KDSR: variants seen among roughly 807,000 people sequenced by gnomAD.
The protein encoded by KDSR is 3-ketodihydrosphingosine reductase, also known as 3-dehydrosphinganine reductase.
KDSR carries 23 observed loss-of-function variants against 41.3 expected under a neutral mutation model. That is an observed-to-expected ratio of 0.56 (90% CI 0.40 to 0.79). The LOEUF (loss-of-function observed/expected upper bound fraction) is 0.79, where lower values mean the gene tolerates loss of function less well. KDSR is among the 30% of genes least tolerant of loss of function. The pLI is 0.00. For missense variants in KDSR, 351 were observed against 416.8 expected (o/e 0.84, Z 1.37); for synonymous variants, 138 against 151.7 (o/e 0.91, Z 0.66).
At chr18:63,333,980 C>T (rs1914086688) in intron 9 of KDSR, among the ~76,000 whole-genome samples, 1 of 152,116 alleles carries the variant, frequency 6.6e-6, no homozygotes, top group Non-Finnish European at 1.5e-5. Context: ...CCATGCCAGC[C>T]CAAAAATTAA....
chr18:63,343,963 G>A (rs1394706727), intron 7 of KDSR, among the ~76,000 whole-genome samples: 3 of 152,110 alleles, frequency 2.0e-5, no homozygotes, highest in East Asian at 1.9e-4. Context: ...GATCACTTGA[G>A]GCCAGGAGTT....
chr18:63,362,522 C>T (rs1404432950), intron 2 of KDSR, among the ~76,000 whole-genome samples: 2 of 152,202 alleles, frequency 1.3e-5, no homozygotes, highest in Non-Finnish European at 2.9e-5. Context: ...TGGCCTCTCC[C>T]ATCTCAGGAT....
At chr18:63,336,935 C>G (rs567819216) in intron 8 of KDSR, among the ~76,000 whole-genome samples, 16 of 152,130 alleles carry the variant, frequency 1.1e-4, no homozygotes, top group African/African-American at 3.9e-4. Flanking sequence ...GCAGAAGCAG[C>G]TATTTGAATC....
At chr18:63,345,380 AC>A in intron 6 of KDSR, 1 of 151,944 alleles carries the variant, frequency 6.6e-6, no homozygotes, top group Non-Finnish European at 1.5e-5. Context: ...TGGCCAGGAC[AC>A]CCCCTCCCAC....
chr18:63,350,695 G>A (rs1025996925), intron 6 of KDSR, among the ~76,000 whole-genome samples, 193 bp downstream of exon 6: 3 of 152,204 alleles, frequency 2.0e-5, no homozygotes, highest in East Asian at 1.9e-4. Flanking sequence ...TGCATCTGTC[G>A]TTAACTATAG....
At chr18:63,355,137 C>T in intron 5 of KDSR, 67 bp downstream of exon 5, 1 of 1,058,734 alleles carries the variant, frequency 9.4e-7, no homozygotes, top group Non-Finnish European at 1.5e-6. Context: ...ATTCTTAAAG[C>T]TTTTACCCGT....
In KDSR at chr18:63,329,999, CA is replaced by C; in HGVS notation, c.*1782del. On this transcript the variant is annotated 3_prime_UTR_variant, in exon 10 of 10. Transcript: ENST00000645214. Reference sequence around the variant, plus strand: ...GGCATCAACCCATCCTTACAAGCTGCAATGAAATCATTCCAAGCAATTTATA... The same window carrying C: ...GGCATCAACCCATCCTTACAAGCTGCATGAAATCATTCCAAGCAATTTATA... 1 of 187,836 alleles carries C rather than the reference CA, an allele frequency of 5.3e-6. No individual in the cohort carries two copies. Among genetic ancestry groups the C allele is most frequent in the Non-Finnish European group, 1.1e-5 (1 of 88,966 alleles). The allele number at this position is 187,836 out of a possible 1,614,324, so 11.6% of individuals were successfully genotyped here. A position where few individuals can be genotyped will look rare whatever the true frequency, so the allele number is the denominator to read the frequency against.
At chr18:63,353,925 T>C (rs1914726502) in intron 5 of KDSR, among the ~76,000 whole-genome samples, 1 of 152,106 alleles carries the variant, frequency 6.6e-6, no homozygotes, top group Admixed American at 6.5e-5. Context: ...GTGAATATGC[T>C]GAATCCCTCT....
At chr18:63,333,552 G>A (rs898891) in intron 9 of KDSR, among the ~76,000 whole-genome samples, 48,350 of 152,070 alleles carry the variant, frequency 0.32, 9,619 homozygotes, top group Non-Finnish European at 0.44. Flanking sequence ...GTGGTTGCAG[G>A]GACTGTGCTC....
intron 7 of KDSR, 157 bp downstream of exon 7, chr18:63,344,253 T>G (rs567926085): frequency 3.7e-6 from 2 of 545,854 alleles, no homozygotes; most frequent in African/African-American, 3.8e-5. Flanking sequence ...AGAAGGAATA[T>G]TTGCCTGGAG....
chr18:63,366,976 G>C (rs1387115449), intron 1 of KDSR, 35 bp downstream of exon 1: 1 of 1,178,812 alleles, frequency 8.5e-7, no homozygotes, highest in African/African-American at 1.6e-5. Flanking sequence ...CGCGCGGGCC[G>C]GTAAGTCGGG....
At chr18:63,361,209 C>CAAAAAAAAAA (rs71162630) in intron 2 of KDSR, among the ~76,000 whole-genome samples, 1 of 15,524 alleles carries the variant, frequency 6.4e-5, no homozygotes, top group African/African-American at 1.7e-4. Context: ...AACTCCGTCT[C>CAAAAAAAAAA]AAAAAAAAAA....
chr18:63,344,095 T>C (rs1398824340), intron 7 of KDSR, among the ~76,000 whole-genome samples: 3 of 152,214 alleles, frequency 2.0e-5, no homozygotes, highest in Admixed American at 1.3e-4. Context: ...GAGGATTGCT[T>C]GAGCCTGAGA....
chr18:63,361,209 C>CAAAAAAAAAAAAAAA (rs71162630), intron 2 of KDSR, among the ~76,000 whole-genome samples: 1 of 15,512 alleles, frequency 6.4e-5, no homozygotes, highest in African/African-American at 1.7e-4. Context: ...AACTCCGTCT[C>CAAAAAAAAAAAAAAA]AAAAAAAAAA....
intron 1 of KDSR, among the ~76,000 whole-genome samples, chr18:63,364,798 C>T (rs562275549): frequency 6.6e-6 from 1 of 152,144 alleles, no homozygotes; most frequent in Non-Finnish European, 1.5e-5. Context: ...ATAGTATTGT[C>T]TCCTGTTTTT....
chr18:63,352,362 T>C (rs1252280124), intron 5 of KDSR, among the ~76,000 whole-genome samples: 1 of 152,222 alleles, frequency 6.6e-6, no homozygotes, highest in Non-Finnish European at 1.5e-5. Flanking sequence ...TCACCCAGGC[T>C]GGAGTACAGT....
intron 6 of KDSR, among the ~76,000 whole-genome samples, chr18:63,347,495 C>CAA (rs36023779): frequency 0.013 from 728 of 56,850 alleles, 27 homozygotes; most frequent in African/African-American, 0.051. Flanking sequence ...GACTCCATCT[C>CAA]AAAAAAAAAA....
At chr18:63,333,268 T>A (rs989712540) in intron 9 of KDSR, among the ~76,000 whole-genome samples, 1 of 152,142 alleles carries the variant, frequency 6.6e-6, no homozygotes, top group Admixed American at 6.5e-5. Flanking sequence ...CATTTTTTTG[T>A]AGAGACAGGG....
At chr18:63,357,967 G>A (rs1212751981) in intron 3 of KDSR, among the ~76,000 whole-genome samples, 1 of 151,924 alleles carries the variant, frequency 6.6e-6, no homozygotes, top group African/African-American at 2.4e-5. Flanking sequence ...CACGAGGTTG[G>A]GAGTTCGAGA....
Sources: allele counts gnomAD v4.1 joint callset (sites outside exome capture counted in the v4.1 genomes callset), GRCh38; gene constraint gnomAD v4.1.1; transcripts MANE v1.5; gene names NCBI Gene and HGNC (gene_info 2026-07-23, HGNC 2026-07-21).